The following FGFR2 variants were observed in gnomAD, a reference collection of about 807,000 sequenced individuals.
FGFR2 encodes BEK fibroblast growth factor receptor.
In FGFR2, 19 loss-of-function variants were observed where a neutral mutation model predicts 95.9. The observed-to-expected ratio is 0.20, with a 90% CI of 0.14 to 0.29. FGFR2 has a LOEUF of 0.29. FGFR2 is among the 10% of genes least tolerant of loss of function. The pLI, the probability that FGFR2 is intolerant of heterozygous loss-of-function variation, is 1.00. For missense variants in FGFR2, 707 were observed against 1,056.9 expected (o/e 0.67, Z 4.59); for synonymous variants, 392 against 393.3 (o/e 1.00, Z 0.04).
chr10:121,553,046 C>T (rs1396218548), intron 4 of FGFR2, among the ~76,000 whole-genome samples: 1 of 152,180 alleles, frequency 6.6e-6, no homozygotes, highest in African/African-American at 2.4e-5. Flanking sequence ...GAATTGAAAT[C>T]GCTGCATCCA....
intron 2 of FGFR2, among the ~76,000 whole-genome samples, chr10:121,567,030 C>G (rs1857777214): frequency 6.6e-6 from 1 of 152,090 alleles, no homozygotes; most frequent in Admixed American, 6.6e-5. Context: ...GAATGGGACC[C>G]AGAGTTCCAG....
intron 11 of FGFR2, 71 bp downstream of exon 11, chr10:121,500,755 G>T: frequency 1.3e-6 from 2 of 1,599,048 alleles, no homozygotes; most frequent in Non-Finnish European, 1.7e-6. Context: ...GAGTTCACAT[G>T]CCACAAAAGG....
intron 5 of FGFR2, among the ~76,000 whole-genome samples, chr10:121,542,132 G>T (rs1853855027): frequency 1.3e-5 from 2 of 152,114 alleles, no homozygotes; most frequent in South Asian, 4.1e-4. Context: ...TCATTAAACA[G>T]TTATTGATAA....
At chr10:121,512,092 G>C (rs1394194217) in intron 9 of FGFR2, among the ~76,000 whole-genome samples, 2 of 152,142 alleles carry the variant, frequency 1.3e-5, no homozygotes, top group Non-Finnish European at 2.9e-5. Context: ...CTGTGTCCTA[G>C]AGGAGACTGG....
At chr10:121,581,178 G>T (rs541742445) in intron 2 of FGFR2, among the ~76,000 whole-genome samples, 5 of 152,290 alleles carry the variant, frequency 3.3e-5, no homozygotes, top group African/African-American at 1.2e-4. Context: ...CTCCTCACTC[G>T]CCACACCTTC....
rs1158735071 is a variant in FGFR2, at chr10:121,487,245, A to G, written c.2057+109T>C. The G allele has an allele frequency of 3.7e-6, 3 of 803,094 alleles. No homozygotes were observed. In the South Asian group the frequency reaches 4.4e-5, roughly 12 times the overall value. The allele number at this position is 803,094 out of a possible 1,614,324, so 49.7% of individuals were successfully genotyped here. On this transcript the variant is annotated intron_variant, in intron 15 of 17. Coordinates refer to ENST00000358487, the MANE Select transcript of FGFR2 (RefSeq NM_000141.5). ...TCTAAGGCCAGCTCCTGCACCTTCT[A>G]CGAATGTGTGAAATGCAGCAGCCAC...
Position 121,485,594 on chromosome 10 carries a change from G to T in FGFR2, c.2058-62C>A. The T allele has an allele frequency of 6.2e-7, 1 of 1,610,150 alleles. No homozygotes were observed. The highest frequency in any genetic ancestry group is 2.2e-5 in the East Asian group (1 of 44,798). ...ATCCACGTTGCCAAAACCTAAACAC[G>T]CCCAGCTGAGACATAAACACCTCCT... On this transcript the variant is annotated intron_variant, in intron 15 of 17. Coordinates refer to ENST00000358487, the MANE Select transcript of FGFR2 (RefSeq NM_000141.5). This position sits in a 1 kb window ranked among gnomAD's most constrained non-coding sequence, Gnocchi z 4.2.
chr10:121,491,187 C>A (rs1003994219), intron 13 of FGFR2, among the ~76,000 whole-genome samples: 2 of 152,144 alleles, frequency 1.3e-5, no homozygotes, highest in African/African-American at 4.8e-5. Flanking sequence ...ATCTTCTCAG[C>A]GAAAGCCAGA....
chr10:121,558,231 A>C (rs1856454471), intron 4 of FGFR2, among the ~76,000 whole-genome samples: 1 of 152,250 alleles, frequency 6.6e-6, no homozygotes, highest in Non-Finnish European at 1.5e-5. Flanking sequence ...TAGGGAAGGC[A>C]AGAACTAGTT....
At chr10:121,574,639 C>T (rs530088530) in intron 2 of FGFR2, among the ~76,000 whole-genome samples, 61 of 152,302 alleles carry the variant, frequency 4.0e-4, no homozygotes, top group African/African-American at 1.3e-3. Context: ...GCTGTGTACA[C>T]AGCAACGAAG....
At chr10:121,497,914 C>T (rs1485002205) in intron 12 of FGFR2, among the ~76,000 whole-genome samples, 1 of 152,162 alleles carries the variant, frequency 6.6e-6, no homozygotes, top group African/African-American at 2.4e-5. Context: ...AGAGAAATTG[C>T]TAAGTCAAAG....
In FGFR2 at chr10:121,518,904, C is replaced by A; in HGVS notation, c.939+1075G>T. The A allele has an allele frequency of 6.3e-7, 1 of 1,575,378 alleles. No individual in the cohort carries two copies. ...GCATTGTCTATGGTCCCACCACCAA[C>A]ACACCGCAAGAAAACAAACTCCATT... On this transcript the variant is annotated intron_variant, in intron 7 of 17. Coordinates refer to ENST00000358487, the MANE Select transcript of FGFR2 (RefSeq NM_000141.5). This position sits in a 1 kb window ranked among gnomAD's most constrained non-coding sequence, Gnocchi z 4.0.
chr10:121,524,099 TATACAC>T (rs1371324520), intron 6 of FGFR2, among the ~76,000 whole-genome samples: 1,515 of 137,152 alleles, frequency 0.011, 24 homozygotes, highest in South Asian at 0.025. Flanking sequence ...CCCGGCTATG[TATACAC>T]ACACACACAC....
intron 2 of FGFR2, 99 bp downstream of exon 2, chr10:121,593,610 A>G: frequency 9.4e-7 from 1 of 1,058,914 alleles, no homozygotes. Context: ...TAGAAGCCCC[A>G]TTTACAATGC....
chr10:121,582,220 G>A (rs1435956552), intron 2 of FGFR2, among the ~76,000 whole-genome samples: 1 of 152,000 alleles, frequency 6.6e-6, no homozygotes, highest in Non-Finnish European at 1.5e-5. Flanking sequence ...GTGAGCCACT[G>A]CACCCAGTCC....
At chr10:121,576,864 G>A (rs904070891) in intron 2 of FGFR2, among the ~76,000 whole-genome samples, 1 of 151,886 alleles carries the variant, frequency 6.6e-6, no homozygotes, top group African/African-American at 2.4e-5. Context: ...GCCGGGCATG[G>A]TGGCTCATGC....
chr10:121,559,908 C>A (rs1564988759), intron 4 of FGFR2, among the ~76,000 whole-genome samples: 2 of 152,236 alleles, frequency 1.3e-5, no homozygotes, highest in African/African-American at 4.8e-5. Context: ...CTGTTGCATT[C>A]TATTGCTTCA....
chr10:121,487,263 G>C lies in FGFR2; in HGVS notation c.2057+91C>G, dbSNP rs1363893134. 3 of 980,036 alleles carry C rather than the reference G, an allele frequency of 3.1e-6. No individual in the cohort carries two copies. In the South Asian group the frequency reaches 4.0e-5, roughly 13 times the overall value. 60.7% of individuals were successfully genotyped at this position (980,036 alleles called of 1,614,324 possible). A position where few individuals can be genotyped will look rare whatever the true frequency, so the allele number is the denominator to read the frequency against. On this transcript the variant is annotated intron_variant, in intron 15 of 17. Coordinates refer to ENST00000358487, the MANE Select transcript of FGFR2 (RefSeq NM_000141.5). ...ACCTTCTACGAATGTGTGAAATGCA[G>C]CAGCCACTAAAGAAGGAAGAAAGGT... is the stretch of plus-strand genomic sequence containing the variant.
chr10:121,568,623 GA>G (rs920712214), intron 2 of FGFR2, among the ~76,000 whole-genome samples: 11 of 149,910 alleles, frequency 7.3e-5, no homozygotes, highest in Non-Finnish European at 1.2e-4. Flanking sequence ...CCATTAGGGG[GA>G]AAAAAAGAAA....
Sources: allele counts gnomAD v4.1 joint callset (sites outside exome capture counted in the v4.1 genomes callset), GRCh38; gene constraint gnomAD v4.1.1; non-coding constraint Gnocchi (gnomAD v3.1); transcripts MANE v1.5; gene names NCBI Gene and HGNC (gene_info 2026-07-23, HGNC 2026-07-21).